PLCH1: variants seen among roughly 807,000 people sequenced by gnomAD.
PLCH1 encodes the protein phospholipase C eta 1.
PLCH1 carries 60 observed loss-of-function variants against 126.7 expected under a neutral mutation model. The observed-to-expected ratio is 0.47, with a 90% CI of 0.38 to 0.59. The LOEUF (loss-of-function observed/expected upper bound fraction) is 0.59, where lower values mean the gene tolerates loss of function less well. Ranked by LOEUF, PLCH1 falls within the 20% of genes least tolerant of loss-of-function variation. The pLI is 0.00. For synonymous variants in PLCH1, 719 were observed against 734.9 expected (o/e 0.98, Z 0.35); for missense variants, 1,723 against 2,040.0 (o/e 0.84, Z 2.99).
intron 21 of PLCH1, among the ~76,000 whole-genome samples, chr3:155,452,799 A>G (rs900877150): frequency 1.6e-4 from 25 of 152,208 alleles, no homozygotes; most frequent in African/African-American, 5.8e-4. Flanking sequence ...TGCCACATAA[A>G]TGACCTCAAA....
chr3:155,721,995 C>T (rs73156589), intron 1 of PLCH1, among the ~76,000 whole-genome samples: 17,473 of 151,798 alleles, frequency 0.12, 1,188 homozygotes, highest in African/African-American at 0.19. Flanking sequence ...TGTACTGAGC[C>T]GAGATCGTGG....
At chr3:155,497,775 C>T (rs567137166) in intron 14 of PLCH1, among the ~76,000 whole-genome samples, 15 of 152,060 alleles carry the variant, frequency 9.9e-5, no homozygotes, top group South Asian at 2.1e-4. Flanking sequence ...AGTGCAGTGG[C>T]GCATTCTTGG....
rs766263539 is a variant in PLCH1, at chr3:155,594,103, G to T, written c.308C>A (p.Pro103His). Residue 103 changes from proline to histidine, a missense_variant, in exon 4 of 23, where the codon CCC (proline) becomes CAC (histidine). By Grantham distance (77) the Pro-to-His change is moderately conservative. Around this residue, in one of 2 missense-constraint regions of PLCH1, gnomAD observed 776 missense variants for 1,062.9 expected, o/e 0.73. Coordinates refer to ENST00000460012, the MANE Select transcript of PLCH1 (RefSeq NM_014996.4). ...ATGGTAGATGGTGAAGCAGCAGCTG[G>T]GGTCGAAGTTCCCCTCAGCTTGTCT... ...FHRQAEGNFDPSCCFTIYHGN... is the reference protein window; with the variant it reads ...FHRQAEGNFDHSCCFTIYHGN... 6.2e-7 allele frequency: 1 copy of T among 1,614,040 alleles called. No homozygotes were observed. The highest frequency in any genetic ancestry group is 8.5e-7 in the Non-Finnish European group (1 of 1,179,982).
chr3:155,479,018 T>C (rs923562179), downstream of PLCH1, among the ~76,000 whole-genome samples: 6 of 152,196 alleles, frequency 3.9e-5, no homozygotes, highest in Admixed American at 3.9e-4. Context: ...TTTTCTGAAA[T>C]TGCTTGTATT....
intron 21 of PLCH1, among the ~76,000 whole-genome samples, chr3:155,486,621 T>G (rs1205096577): frequency 6.7e-6 from 1 of 148,534 alleles, no homozygotes; most frequent in Non-Finnish European, 1.5e-5. Context: ...GCTTCCCGGG[T>G]TCACGCCATT....
At chr3:155,663,742 G>A (rs930565737) in intron 2 of PLCH1, among the ~76,000 whole-genome samples, 8 of 152,108 alleles carry the variant, frequency 5.3e-5, no homozygotes, top group Non-Finnish European at 1.0e-4. Context: ...TTAGCTCCAT[G>A]AACTTCCCCT....
chr3:155,683,517 A>C (rs1744692960), intron 2 of PLCH1, among the ~76,000 whole-genome samples: 1 of 152,184 alleles, frequency 6.6e-6, no homozygotes, highest in Admixed American at 6.5e-5. Context: ...ACTAAAGCAC[A>C]CTGAACTATC....
intron 8 of PLCH1, among the ~76,000 whole-genome samples, chr3:155,558,398 A>C (rs1727109479): frequency 6.6e-6 from 1 of 152,230 alleles, no homozygotes; most frequent in African/African-American, 2.4e-5. Context: ...GGTATACAGC[A>C]GTACCCCTTT....
chr3:155,644,989 C>T (rs1308546838), intron 2 of PLCH1, among the ~76,000 whole-genome samples: 1 of 152,146 alleles, frequency 6.6e-6, no homozygotes, highest in African/African-American at 2.4e-5. Context: ...TTCATTTACA[C>T]AGTACTTCCT....
intron 6 of PLCH1, among the ~76,000 whole-genome samples, chr3:155,577,193 G>A (rs1191076422): frequency 6.6e-6 from 1 of 152,090 alleles, no homozygotes; most frequent in African/African-American, 2.4e-5. Context: ...TCAGGAGTTG[G>A]AGTTTATACG....
intron 10 of PLCH1, among the ~76,000 whole-genome samples, chr3:155,540,360 G>A (rs563447724): frequency 6.6e-6 from 1 of 152,214 alleles, no homozygotes; most frequent in East Asian, 1.9e-4. Flanking sequence ...GAACCCAAGA[G>A]TGAATGTAAC....
At chr3:155,744,395 C>T (rs1019635779) in intron 1 of PLCH1, among the ~76,000 whole-genome samples, 4 of 152,228 alleles carry the variant, frequency 2.6e-5, no homozygotes, top group South Asian at 2.1e-4. Flanking sequence ...GTGAGACTCC[C>T]CAAGTGTAAC....
intron 5 of PLCH1, among the ~76,000 whole-genome samples, chr3:155,584,746 A>T (rs954752025): frequency 6.6e-6 from 1 of 152,192 alleles, no homozygotes; most frequent in Non-Finnish European, 1.5e-5. Context: ...AATCTTTTTA[A>T]AATTTTGCTA....
At chr3:155,653,837 T>TTCA (rs1741057401) in intron 2 of PLCH1, among the ~76,000 whole-genome samples, 1 of 152,164 alleles carries the variant, frequency 6.6e-6, no homozygotes, top group Non-Finnish European at 1.5e-5. Flanking sequence ...TGCTGGATTA[T>TTCA]TCATAAGAAT....
At chr3:155,676,230 T>C in intron 2 of PLCH1, 6 of 1,246,210 alleles carry the variant, frequency 4.8e-6, no homozygotes, top group Non-Finnish European at 6.1e-6. Flanking sequence ...GGCTTTATAG[T>C]GTGGAGAAAA....
In PLCH1 at chr3:155,723,953, C is replaced by CAAA. The variant is rs34436223; in HGVS notation, c.-40-19692_-40-19690dup. 1.4e-3 allele frequency among the ~76,000 whole-genome samples: 113 copies of CAAA among 79,894 alleles called. 2 individuals carry two copies. The highest frequency in any genetic ancestry group is 5.5e-3 in the South Asian group (13 of 2,364). 52.4% of individuals were successfully genotyped at this position (79,894 alleles called of 152,430 possible). The stretch of plus-strand genomic sequence containing the variant: ...TGGGTGACAGAGCTAAACTCCATCT[C>CAAA]AAAAAAAAAAAAAAAAAAAAAATTC... On this transcript the variant is annotated intron_variant, in intron 1 of 22. Coordinates refer to ENST00000460012, the MANE Select transcript of PLCH1 (RefSeq NM_014996.4).
At chr3:155,530,666 C>T (rs1722552535) in intron 10 of PLCH1, among the ~76,000 whole-genome samples, 1 of 152,178 alleles carries the variant, frequency 6.6e-6, no homozygotes, top group Admixed American at 6.5e-5. Context: ...CGTCATCCAT[C>T]AGGATTGGAA....
chr3:155,663,314 G>T (rs1309665481), intron 2 of PLCH1, among the ~76,000 whole-genome samples: 1 of 152,176 alleles, frequency 6.6e-6, no homozygotes, highest in African/African-American at 2.4e-5. Context: ...TATCTCTTTT[G>T]TAACCTGTGA....
At chr3:155,462,176 G>A (rs764497379) in intron 21 of PLCH1, among the ~76,000 whole-genome samples, 5 of 152,186 alleles carry the variant, frequency 3.3e-5, no homozygotes, top group Non-Finnish European at 5.9e-5. Flanking sequence ...AACCCTGATT[G>A]CTATGAGAGG....
Sources: allele counts gnomAD v4.1 joint callset (sites outside exome capture counted in the v4.1 genomes callset), GRCh38; gene constraint gnomAD v4.1.1; regional missense constraint gnomAD v4.1.1; transcripts MANE v1.5; gene names NCBI Gene and HGNC (gene_info 2026-07-23, HGNC 2026-07-21).